AGMO: variants seen among roughly 807,000 people sequenced by gnomAD.
The protein encoded by AGMO is alkylglycerol monooxygenase, also known as glyceryl-ether monooxygenase.
In AGMO, 75 loss-of-function variants were observed where a neutral mutation model predicts 60.2. The ratio of observed to expected loss-of-function variants is 1.25; its 90% CI spans 1.03 to 1.51. The LOEUF is 1.51. Among genes scored for constraint, AGMO ranks in the 40% most tolerant of loss-of-function variants. The pLI is 0.00. For missense variants in AGMO, 763 were observed against 525.5 expected, an observed-to-expected ratio of 1.45 and a Z score of -4.42; for synonymous variants, 261 against 177.1, an observed-to-expected ratio of 1.47 and a Z score of -3.76.
intron 12 of AGMO, among the ~76,000 whole-genome samples, chr7:15,340,836 G>C (rs1781821788): frequency 6.6e-6 from 1 of 152,168 alleles, no homozygotes; most frequent in African/African-American, 2.4e-5. Context: ...CCCACACAGA[G>C]TCCCCACTGG....
chr7:15,350,750 T>C (rs1782209569), intron 12 of AGMO, among the ~76,000 whole-genome samples: 1 of 152,200 alleles, frequency 6.6e-6, no homozygotes. Flanking sequence ...GACAATTTGA[T>C]CATAGGGAAG....
At chr7:15,439,659 A>G (rs1015879904) in intron 3 of AGMO, among the ~76,000 whole-genome samples, 4 of 152,148 alleles carry the variant, frequency 2.6e-5, no homozygotes, top group Non-Finnish European at 5.9e-5. Flanking sequence ...TTTGAGCATC[A>G]CTGTGCTTTG....
intron 3 of AGMO, among the ~76,000 whole-genome samples, chr7:15,486,360 A>G (rs997882575): frequency 1.3e-5 from 2 of 152,198 alleles, no homozygotes; most frequent in African/African-American, 4.8e-5. Context: ...GATTTATTAA[A>G]AAAACATATT....
At chr7:15,169,268 G>A in the AGMO span, among the ~76,000 whole-genome samples, 130 of 152,236 alleles carry the variant, frequency 8.5e-4, 1 homozygote, top group Non-Finnish European at 1.6e-3. Flanking sequence ...GAACTCTGCC[G>A]TCGTGCAATA....
chr7:15,225,334 C>T (rs1310441229), intron 12 of AGMO, among the ~76,000 whole-genome samples: 1 of 151,832 alleles, frequency 6.6e-6, no homozygotes, highest in Non-Finnish European at 1.5e-5. Flanking sequence ...TAAAAATATC[C>T]TTCAGTTAAT....
chr7:15,427,068 G>T (rs1781086051), intron 4 of AGMO, among the ~76,000 whole-genome samples: 1 of 151,950 alleles, frequency 6.6e-6, no homozygotes, highest in African/African-American at 2.4e-5. Flanking sequence ...GAGGGATAAA[G>T]AATGAAAAAA....
chr7:15,147,060 C>A, the AGMO span, among the ~76,000 whole-genome samples: 1 of 152,196 alleles, frequency 6.6e-6, no homozygotes, highest in East Asian at 1.9e-4. Context: ...AAGTGCTCTG[C>A]CATGTCTGAG....
chr7:15,334,702 T>A (rs985577524), intron 12 of AGMO, among the ~76,000 whole-genome samples: 3 of 152,182 alleles, frequency 2.0e-5, no homozygotes, highest in African/African-American at 7.2e-5. Context: ...CTTACTATAA[T>A]TGCTAAGTTA....
intron 3 of AGMO, among the ~76,000 whole-genome samples, chr7:15,474,184 G>A (rs551419774): frequency 6.6e-6 from 1 of 152,204 alleles, no homozygotes; most frequent in South Asian, 2.1e-4. Flanking sequence ...TTTCTTCACA[G>A]AATTAGAGAA....
intron 3 of AGMO, among the ~76,000 whole-genome samples, chr7:15,529,632 G>T (rs1342371857): frequency 1.3e-3 from 4 of 3,010 alleles, no homozygotes; most frequent in African/African-American, 5.3e-3. Context: ...TATATATATA[G>T]AATATATATA....
At chr7:15,383,542 T>C (rs949234887) in intron 10 of AGMO, among the ~76,000 whole-genome samples, 2 of 152,192 alleles carry the variant, frequency 1.3e-5, no homozygotes, top group African/African-American at 4.8e-5. Flanking sequence ...ATAGAACTGT[T>C]ACAGTAACAT....
chr7:15,467,446 A>G (rs1782323834), intron 3 of AGMO, among the ~76,000 whole-genome samples: 1 of 152,328 alleles, frequency 6.6e-6, no homozygotes, highest in Admixed American at 6.5e-5. Flanking sequence ...TAGTTTTGAT[A>G]TGGGTGTTCC....
At chr7:15,520,741 A>G (rs1783960763) in intron 3 of AGMO, among the ~76,000 whole-genome samples, 1 of 152,220 alleles carries the variant, frequency 6.6e-6, no homozygotes, top group Non-Finnish European at 1.5e-5. Flanking sequence ...CCCATAGGAG[A>G]AAGTATGAAA....
At chr7:15,421,857 T>C (rs1583534942) in intron 4 of AGMO, among the ~76,000 whole-genome samples, 1 of 152,148 alleles carries the variant, frequency 6.6e-6, no homozygotes, top group Non-Finnish European at 1.5e-5. Flanking sequence ...AGCTTACAGG[T>C]GTGTCCACAG....
chr7:15,340,233 A>G (rs2128548760), intron 12 of AGMO, among the ~76,000 whole-genome samples: 1 of 152,254 alleles, frequency 6.6e-6, no homozygotes, highest in Non-Finnish European at 1.5e-5. Context: ...CACGTTACAC[A>G]CCTGCAGTTT....
chr7:15,463,081 A>C (rs1782187706), intron 3 of AGMO, among the ~76,000 whole-genome samples: 1 of 152,126 alleles, frequency 6.6e-6, no homozygotes, highest in Non-Finnish European at 1.5e-5. Flanking sequence ...AAATAAGTAC[A>C]TTCCATTGTC....
the AGMO span, among the ~76,000 whole-genome samples, chr7:15,137,290 T>C: frequency 2.0e-5 from 3 of 152,214 alleles, no homozygotes; most frequent in African/African-American, 7.2e-5. Flanking sequence ...AACGATTACT[T>C]TTTTATACGT....
chr7:15,251,963 A>C (rs1244922526), intron 12 of AGMO, among the ~76,000 whole-genome samples: 1 of 152,202 alleles, frequency 6.6e-6, no homozygotes, highest in Non-Finnish European at 1.5e-5. Flanking sequence ...TCTGTAGTTC[A>C]TTCATAGTTT....
chr7:15,453,289 G>T (rs527267264), intron 3 of AGMO, among the ~76,000 whole-genome samples: 53 of 152,266 alleles, frequency 3.5e-4, no homozygotes, highest in Non-Finnish European at 6.9e-4. Flanking sequence ...GGGGAAAAAA[G>T]AAGCTTTTAT....
Sources: gnomAD v4.1 joint callset for allele counts (sites outside exome capture counted in the v4.1 genomes callset) on GRCh38, gnomAD v4.1.1 for gene constraint, MANE v1.5 for transcripts, NCBI Gene and HGNC (gene_info 2026-07-23, HGNC 2026-07-21) for gene names.